The following LSAMP variants were observed in gnomAD, a reference collection of about 807,000 sequenced individuals.
The protein encoded by LSAMP is limbic system associated membrane protein, also known as limbic system-associated membrane protein.
A neutral mutation model predicts 38.6 loss-of-function variants in LSAMP; 7 were observed. That is an observed-to-expected ratio of 0.18 (90% CI 0.10 to 0.34). The LOEUF (loss-of-function observed/expected upper bound fraction) is 0.34. Among genes scored for constraint, LSAMP ranks in the 10% least tolerant of loss-of-function variants. The pLI is 1.00. For missense variants in LSAMP, 313 were observed against 420.0 expected, an observed-to-expected ratio of 0.75 and a Z score of 2.23; for synonymous variants, 154 against 166.8, an observed-to-expected ratio of 0.92 and a Z score of 0.59.
At chr3:116,023,838 A>G (rs1355586350) in intron 2 of LSAMP, among the ~76,000 whole-genome samples, 1 of 152,016 alleles carries the variant, frequency 6.6e-6, no homozygotes, top group African/African-American at 2.4e-5. Context: ...TTCCTACTCC[A>G]TTTGCATTGC....
intron 1 of LSAMP, among the ~76,000 whole-genome samples, chr3:116,158,900 A>T (rs963387142): frequency 6.6e-6 from 1 of 152,162 alleles, no homozygotes; most frequent in Admixed American, 6.6e-5. Flanking sequence ...AGGCAATCAT[A>T]AGCAAAAACG....
Position 116,002,782 on chromosome 3 carries a change from T to A in LSAMP, c.514+16733A>T, listed in dbSNP as rs578255628. On this transcript the variant is annotated intron_variant, in intron 3 of 6. Coordinates refer to ENST00000490035, the MANE Select transcript of LSAMP (RefSeq NM_002338.5). ...ACTTTGGCTGCTTGCCTCTGAATTA[T>A]GTTAAATGTTTCTCTTTTATCTCAT... Among the ~76,000 whole-genome samples, 11 of 152,298 alleles carry A rather than the reference T, an allele frequency of 7.2e-5. No homozygotes were observed. In the South Asian group the frequency reaches 2.1e-3, roughly 29 times the overall value.
At chr3:116,326,444 T>C (rs999955030) in intron 1 of LSAMP, among the ~76,000 whole-genome samples, 4 of 152,144 alleles carry the variant, frequency 2.6e-5, no homozygotes, top group African/African-American at 9.7e-5. Context: ...CCTGAGTCTC[T>C]CTCAACTCCA....
Position 115,839,286 on chromosome 3 carries a change from C to T in LSAMP, c.919+2559G>A, listed in dbSNP as rs879583962. 9.1e-3 allele frequency among the ~76,000 whole-genome samples: 1,155 copies of T among 126,910 alleles called. 8 individuals carry two copies. The highest frequency in any genetic ancestry group is 0.015 in the Non-Finnish European group (870 of 58,214). 83.3% of individuals were successfully genotyped at this position (126,910 alleles called of 152,430 possible). Reference sequence around the variant, plus strand: ...CTTTCCTTCCTTCCTTCCTTCCTTCCTTCCTTCCTTCCTTCCTTCCTTCCT... The same window carrying T: ...CTTTCCTTCCTTCCTTCCTTCCTTCTTTCCTTCCTTCCTTCCTTCCTTCCT... On this transcript the variant is annotated intron_variant, in intron 6 of 6. Coordinates refer to ENST00000490035, the MANE Select transcript of LSAMP (RefSeq NM_002338.5).
chr3:116,162,886 G>T (rs1191000811), intron 1 of LSAMP, among the ~76,000 whole-genome samples: 1 of 151,680 alleles, frequency 6.6e-6, no homozygotes, highest in African/African-American at 2.4e-5. Context: ...TGTAGGCTTT[G>T]TTCTCCCTCT....
In LSAMP at chr3:115,865,796, T is replaced by C. The variant is rs80329442; in HGVS notation, c.515-13179A>G. ...TACTAGTTTGGCATTCAGAAACATA[T>C]ACCTTTTCTTTTCTTAAGGGAGTTA... On this transcript the variant is annotated intron_variant, in intron 3 of 6. Coordinates refer to ENST00000490035, the MANE Select transcript of LSAMP (RefSeq NM_002338.5). 6.4e-3 allele frequency among the ~76,000 whole-genome samples: 979 copies of C among 152,280 alleles called. 8 individuals are homozygous for C. The highest frequency in any genetic ancestry group is 0.011 in the Non-Finnish European group (755 of 68,018).
chr3:116,060,589 C>G (rs541505714), intron 2 of LSAMP, among the ~76,000 whole-genome samples: 3 of 152,116 alleles, frequency 2.0e-5, no homozygotes, highest in Non-Finnish European at 4.4e-5. Flanking sequence ...GGAGAAACCC[C>G]ATCTCTACTA....
intron 1 of LSAMP, among the ~76,000 whole-genome samples, chr3:116,359,362 A>G (rs576749958): frequency 4.8e-4 from 73 of 152,328 alleles, no homozygotes; most frequent in Non-Finnish European, 7.6e-4. Context: ...GATGATAAAA[A>G]AATGCATAGG....
At chr3:116,355,088 T>G (rs2048203832) in intron 1 of LSAMP, among the ~76,000 whole-genome samples, 1 of 152,158 alleles carries the variant, frequency 6.6e-6, no homozygotes, top group Non-Finnish European at 1.5e-5. Flanking sequence ...ATCGATGACA[T>G]AACATTAACT....
intron 2 of LSAMP, 138 bp from the exon 3 acceptor site, chr3:116,019,778 C>T: frequency 1.1e-6 from 1 of 871,612 alleles, no homozygotes; most frequent in Non-Finnish European, 1.8e-6. Flanking sequence ...GCTTTTAAGA[C>T]CCATGCTTGC....
intron 1 of LSAMP, among the ~76,000 whole-genome samples, chr3:116,217,999 C>T (rs1029706048): frequency 1.3e-5 from 2 of 152,132 alleles, no homozygotes; most frequent in South Asian, 2.1e-4. Flanking sequence ...CATGTCTAGT[C>T]TTAAACTTTT....
At chr3:116,276,960 C>A (rs2047063530) in intron 1 of LSAMP, among the ~76,000 whole-genome samples, 1 of 152,150 alleles carries the variant, frequency 6.6e-6, no homozygotes, top group African/African-American at 2.4e-5. Flanking sequence ...TGTTGACAGT[C>A]ATGATTGTGG....
intron 1 of LSAMP, among the ~76,000 whole-genome samples, chr3:116,228,643 T>C (rs2046368222): frequency 6.6e-6 from 1 of 152,144 alleles, no homozygotes; most frequent in Non-Finnish European, 1.5e-5. Context: ...TGTGTTGTTA[T>C]TGTGGTAGAA....
At chr3:116,255,670 T>C (rs1346155799) in intron 1 of LSAMP, among the ~76,000 whole-genome samples, 3 of 152,144 alleles carry the variant, frequency 2.0e-5, no homozygotes, top group African/African-American at 7.2e-5. Flanking sequence ...TTAAGTTAAA[T>C]CCCTGAAGGC....
intron 1 of LSAMP, among the ~76,000 whole-genome samples, chr3:116,313,530 C>T (rs2047586464): frequency 6.6e-6 from 1 of 152,202 alleles, no homozygotes; most frequent in African/African-American, 2.4e-5. Flanking sequence ...AGGGCAAGCA[C>T]CTTCTAGTCC....
intron 1 of LSAMP, among the ~76,000 whole-genome samples, chr3:116,319,305 T>C (rs1242817603): frequency 6.6e-6 from 1 of 152,220 alleles, no homozygotes; most frequent in Non-Finnish European, 1.5e-5. Flanking sequence ...AGCAGTGTTT[T>C]GTCAGCTGTG....
At position 116,437,005 on chromosome 3, in the gene LSAMP, A is replaced by G. The variant is rs7615987; in HGVS notation, c.155+7872T>C. ...CATATATATATATGCATATATATAT[A>G]TGTGTATATATATGTGTGTGTATAT... On this transcript the variant is annotated intron_variant, in intron 1 of 6. Coordinates refer to ENST00000490035, the MANE Select transcript of LSAMP (RefSeq NM_002338.5). 6.8e-3 allele frequency among the ~76,000 whole-genome samples: 1,014 copies of G among 149,160 alleles called. 18 individuals are homozygous for G. Among genetic ancestry groups the G allele is most frequent in the African/African-American group, 0.024 (974 of 40,030 alleles).
At chr3:116,347,121 T>C (rs1197435378) in intron 1 of LSAMP, among the ~76,000 whole-genome samples, 3 of 152,178 alleles carry the variant, frequency 2.0e-5, no homozygotes, top group Non-Finnish European at 2.9e-5. Context: ...CATTTTCTAA[T>C]CTTGCTTATG....
chr3:116,120,331 G>A (rs1051067985), intron 1 of LSAMP, among the ~76,000 whole-genome samples: 6 of 152,058 alleles, frequency 3.9e-5, no homozygotes, highest in African/African-American at 1.4e-4. Context: ...ATTACATAGT[G>A]CCAAAATCTG....
Sources: allele counts gnomAD v4.1 joint callset (sites outside exome capture counted in the v4.1 genomes callset), GRCh38; gene constraint gnomAD v4.1.1; transcripts MANE v1.5; gene names NCBI Gene and HGNC (gene_info 2026-07-23, HGNC 2026-07-21).